Variants in TULP4 observed in about 807,000 individuals in gnomAD.
TULP4 encodes tubby-related protein 4.
Under a neutral mutation model 129.0 loss-of-function variants are expected in TULP4, and 16 were observed. The observed-to-expected ratio is 0.12, with a 90% confidence interval of 0.08 to 0.19. The LOEUF is 0.19. Ranked by LOEUF, TULP4 falls within the 10% of genes least tolerant of loss-of-function variation. The pLI is 1.00. For missense variants in TULP4, 1,842 were observed against 2,059.1 expected (o/e 0.89, Z 2.04); for synonymous variants, 998 against 854.0 (o/e 1.17, Z -2.94).
At chr6:158,500,711 G>A (rs1415114395) in intron 12 of TULP4, among the ~76,000 whole-genome samples, 1 of 152,186 alleles carries the variant, frequency 6.6e-6, no homozygotes, top group Non-Finnish European at 1.5e-5. Context: ...TGTACAAATA[G>A]GATATATTTA....
At chr6:158,429,065 C>G (rs1170190281) in intron 2 of TULP4, among the ~76,000 whole-genome samples, 3 of 152,180 alleles carry the variant, frequency 2.0e-5, no homozygotes, top group Non-Finnish European at 4.4e-5. Flanking sequence ...TCACTAAGGC[C>G]TCAACCTCCT....
chr6:158,480,795 C>G (rs1779924369), intron 7 of TULP4, among the ~76,000 whole-genome samples: 2 of 152,044 alleles, frequency 1.3e-5, no homozygotes, highest in Admixed American at 1.3e-4. Context: ...CAAGGCTGCC[C>G]CTGTGGATCC....
chr6:158,433,268 T>C (rs1395298141), intron 3 of TULP4, among the ~76,000 whole-genome samples: 1 of 152,216 alleles, frequency 6.6e-6, no homozygotes, highest in Non-Finnish European at 1.5e-5. Context: ...TTGTATTTCC[T>C]ATAAACTGGA....
At chr6:158,370,457 CAAAAA>C (rs533005080) in intron 1 of TULP4, among the ~76,000 whole-genome samples, 16 of 28,892 alleles carry the variant, frequency 5.5e-4, no homozygotes, top group African/African-American at 2.0e-3. Flanking sequence ...AACTCCATCT[CAAAAA>C]AAAAAAAAAA....
At chr6:158,243,839 C>T (rs950288646) in intron 1 of TULP4, among the ~76,000 whole-genome samples, 2 of 127,486 alleles carry the variant, frequency 1.6e-5, no homozygotes, top group African/African-American at 6.3e-5. Context: ...TAGTTATTAG[C>T]TGAAATAGGT....
At chr6:158,242,510 G>T in intron 1 of TULP4, 1 of 777,288 alleles carries the variant, frequency 1.3e-6, no homozygotes. Flanking sequence ...CTGTCTGCCG[G>T]TTGGTACTTT....
At chr6:158,394,032 A>G (rs964155072) in intron 1 of TULP4, among the ~76,000 whole-genome samples, 1 of 152,144 alleles carries the variant, frequency 6.6e-6, no homozygotes, top group South Asian at 2.1e-4. Context: ...TTATGAACAC[A>G]TATGACTTCA....
intron 1 of TULP4, among the ~76,000 whole-genome samples, chr6:158,235,893 C>T (rs983246202): frequency 9.2e-5 from 14 of 152,134 alleles, no homozygotes; most frequent in Non-Finnish European, 5.9e-5. Flanking sequence ...AAAACAAATT[C>T]GTTATTGTTT....
chr6:158,483,425 C>T (rs1377329724), intron 8 of TULP4, among the ~76,000 whole-genome samples: 1 of 152,080 alleles, frequency 6.6e-6, no homozygotes, highest in South Asian at 2.1e-4. Context: ...CTTGACCTCC[C>T]AGGTTCAAGC....
At chr6:158,387,195 C>T (rs1777467817) in intron 1 of TULP4, among the ~76,000 whole-genome samples, 3 of 152,054 alleles carry the variant, frequency 2.0e-5, no homozygotes. Flanking sequence ...AATTAAAGCT[C>T]TCAATACAAG....
At position 158,481,144 on chromosome 6, in the gene TULP4, A is replaced by G; in HGVS notation, c.1341A>G (p.Thr447=). ...NERLHCTMKR[T]EDDPEVGGPC... ...GGCTGCACTGCACCATGAAGCGCAC[A>G]GAGGACGACCCGGAGGTGGGCGGCC... Residue 447 remains threonine, a synonymous_variant, in exon 8 of 14, where the codon ACA becomes ACG. Transcript: ENST00000367097. 1 of 1,613,900 alleles carries G rather than the reference A, an allele frequency of 6.2e-7. No individual in the cohort carries two copies. Among genetic ancestry groups the G allele is most frequent in the Non-Finnish European group, 8.5e-7 (1 of 1,179,796 alleles).
Position 158,449,059 on chromosome 6 carries a change from C to T in TULP4, c.607C>T (p.His203Tyr), listed in dbSNP as rs766653993. The change falls in exon 4 of 14, where the codon CAC becomes TAC. Residue 203 changes from histidine (H) to tyrosine (Y), a missense_variant. His to Tyr is a moderately conservative substitution (Grantham distance 83). Transcript: ENST00000367097. ...GGATTGCCACGGCAGAATGCTGGCC[C>T]ACGTCCTCTTGCACGAGTCAGACGG... ...VMDCHGRMLAHVLLHESDGVL... is the reference protein window; with the variant it reads ...VMDCHGRMLAYVLLHESDGVL... The T allele has an allele frequency of 1.9e-6, 3 of 1,613,990 alleles. No homozygotes were observed. Among genetic ancestry groups the T allele is most frequent in the South Asian group, 2.2e-5 (2 of 91,048 alleles).
At chr6:158,487,561 G>C (rs943712948) in intron 8 of TULP4, among the ~76,000 whole-genome samples, 2 of 152,238 alleles carry the variant, frequency 1.3e-5, no homozygotes, top group African/African-American at 4.8e-5. Context: ...TCAAAGACCA[G>C]TCCCAGCTTA....
intron 1 of TULP4, among the ~76,000 whole-genome samples, chr6:158,292,909 A>G (rs923176988): frequency 1.3e-5 from 2 of 152,136 alleles, no homozygotes; most frequent in East Asian, 1.9e-4. Flanking sequence ...GACACAGGCT[A>G]TTATTTCTTT....
intron 1 of TULP4, among the ~76,000 whole-genome samples, chr6:158,245,053 G>A (rs898610746): frequency 1.3e-5 from 2 of 151,900 alleles, no homozygotes; most frequent in African/African-American, 4.8e-5. Flanking sequence ...GCAGTGGTGC[G>A]ATCATGCTTA....
chr6:158,480,238 AG>A (rs1247122205), intron 7 of TULP4, among the ~76,000 whole-genome samples: 1 of 152,248 alleles, frequency 6.6e-6, no homozygotes, highest in African/African-American at 2.4e-5. Context: ...TGATGATCAA[AG>A]GAGTGACCAT....
intron 1 of TULP4, among the ~76,000 whole-genome samples, chr6:158,395,871 C>T (rs1777703453): frequency 6.6e-6 from 1 of 151,706 alleles, no homozygotes; most frequent in South Asian, 2.1e-4. Context: ...CAAAGATGTA[C>T]TACAATTCTG....
upstream of TULP4, among the ~76,000 whole-genome samples, chr6:158,307,746 C>CT (rs1295017979): frequency 6.6e-6 from 1 of 152,066 alleles, no homozygotes; most frequent in East Asian, 1.9e-4. Context: ...CTCCCAAAGT[C>CT]TTGTACCTTG....
intron 7 of TULP4, 118 bp from the exon 8 acceptor site, chr6:158,480,937 C>T: frequency 1.2e-6 from 1 of 867,556 alleles, no homozygotes; most frequent in Non-Finnish European, 1.8e-6. Context: ...GGCCCCCAGC[C>T]TGTGCTCTGT....
Sources: gnomAD v4.1 joint callset for allele counts (sites outside exome capture counted in the v4.1 genomes callset) on GRCh38, gnomAD v4.1.1 for gene constraint, MANE v1.5 for transcripts, NCBI Gene and HGNC (gene_info 2026-07-23, HGNC 2026-07-21) for gene names.